Variants in GLIS3 observed in about 807,000 individuals in gnomAD.
GLIS3 encodes the protein GLIS family zinc finger 3, also known as zinc finger protein GLIS3.
Under a neutral mutation model 78.6 loss-of-function variants are expected in GLIS3, and 53 were observed. The ratio of observed to expected loss-of-function variants is 0.67; its 90% confidence interval spans 0.54 to 0.85. The LOEUF (loss-of-function observed/expected upper bound fraction) is 0.85, where lower values mean the gene tolerates loss of function less well. GLIS3 is among the 40% of genes least tolerant of loss of function. GLIS3 has a pLI of 0.00. For missense variants in GLIS3, 1,703 were observed against 1,231.1 expected (o/e 1.38, Z -5.74); for synonymous variants, 684 against 509.9 (o/e 1.34, Z -4.60).
intron 7 of GLIS3, among the ~76,000 whole-genome samples, chr9:3,886,860 G>A (rs925861983): frequency 1.2e-4 from 18 of 152,320 alleles, no homozygotes; most frequent in African/African-American, 2.4e-4. Flanking sequence ...ATTGGAGAAC[G>A]AGAGAGAGGC....
intron 2 of GLIS3, among the ~76,000 whole-genome samples, chr9:4,271,623 G>C (rs939318060): frequency 6.6e-6 from 1 of 152,140 alleles, no homozygotes; most frequent in Non-Finnish European, 1.5e-5. Context: ...CCTCCTCTTA[G>C]GTGCCATGAG....
intron 4 of GLIS3, among the ~76,000 whole-genome samples, chr9:4,030,161 G>T (rs702259): frequency 0.21 from 32,552 of 151,932 alleles, 4,918 homozygotes; most frequent in African/African-American, 0.43. Flanking sequence ...AGATGATATC[G>T]CCTCGTAGTT....
chr9:4,292,743 T>C (rs138291984), intron 1 of GLIS3, among the ~76,000 whole-genome samples: 1 of 152,330 alleles, frequency 6.6e-6, no homozygotes, highest in African/African-American at 2.4e-5. Flanking sequence ...TCTTTTTCAT[T>C]GCAGGGGATA....
chr9:4,055,337 G>A (rs1486907281), intron 4 of GLIS3, among the ~76,000 whole-genome samples: 1 of 152,072 alleles, frequency 6.6e-6, no homozygotes, highest in African/African-American at 2.4e-5. Context: ...TTAAATCAAG[G>A]GTGCCTCCGT....
At chr9:4,262,598 A>T (rs183941915) in intron 2 of GLIS3, among the ~76,000 whole-genome samples, 129 of 152,280 alleles carry the variant, frequency 8.5e-4, no homozygotes, top group African/African-American at 3.0e-3. Flanking sequence ...CAACTTAGTA[A>T]CTATTTGAAA....
At chr9:4,062,654 A>G (rs541517595) in intron 4 of GLIS3, among the ~76,000 whole-genome samples, 2 of 152,358 alleles carry the variant, frequency 1.3e-5, no homozygotes, top group Non-Finnish European at 2.9e-5. Context: ...GTGGCCAGGC[A>G]CAGTGGCTCA....
chr9:3,893,359 A>G (rs1225145476), intron 7 of GLIS3, among the ~76,000 whole-genome samples: 1 of 152,228 alleles, frequency 6.6e-6, no homozygotes, highest in Non-Finnish European at 1.5e-5. Flanking sequence ...CACCAAATTA[A>G]GCAGCCTGCA....
the GLIS3 span, among the ~76,000 whole-genome samples, chr9:4,380,548 T>C: frequency 7.5e-4 from 115 of 152,332 alleles, 1 homozygote; most frequent in Non-Finnish European, 7.3e-5. Flanking sequence ...CAGAATCACA[T>C]AGGAGAACTT....
At chr9:3,862,989 A>G (rs1359325867) in intron 8 of GLIS3, among the ~76,000 whole-genome samples, 4 of 152,280 alleles carry the variant, frequency 2.6e-5, no homozygotes, top group Admixed American at 2.0e-4. Flanking sequence ...AAACTAATCA[A>G]TGAAAAATGG....
At chr9:4,381,795 A>G in the GLIS3 span, among the ~76,000 whole-genome samples, 12 of 152,122 alleles carry the variant, frequency 7.9e-5, no homozygotes, top group Non-Finnish European at 1.6e-4. Context: ...GCTTTCTGTT[A>G]TGTCTGGCAA....
intron 2 of GLIS3, among the ~76,000 whole-genome samples, chr9:4,135,532 T>A (rs1238848447): frequency 6.6e-6 from 1 of 152,176 alleles, no homozygotes; most frequent in Admixed American, 6.5e-5. Flanking sequence ...TTATTACTTA[T>A]TACTCTAAAC....
intron 2 of GLIS3, among the ~76,000 whole-genome samples, chr9:4,260,241 C>A (rs1023866321): frequency 6.6e-6 from 1 of 152,000 alleles, no homozygotes; most frequent in African/African-American, 2.4e-5. Context: ...GACCATCCTG[C>A]CCAACATGGT....
chr9:4,295,562 A>G (rs928983982), intron 1 of GLIS3, among the ~76,000 whole-genome samples: 5 of 152,144 alleles, frequency 3.3e-5, no homozygotes, highest in African/African-American at 1.2e-4. Context: ...ATTTTTTTTA[A>G]AAAAACCAGA....
At chr9:3,991,815 C>T (rs1377510733) in intron 4 of GLIS3, among the ~76,000 whole-genome samples, 4 of 151,478 alleles carry the variant, frequency 2.6e-5, no homozygotes, top group Non-Finnish European at 5.9e-5. Flanking sequence ...CTCAGCCTCC[C>T]GAGTAGCTGG....
At chr9:4,192,145 A>G (rs1170883482) in intron 2 of GLIS3, among the ~76,000 whole-genome samples, 1 of 152,180 alleles carries the variant, frequency 6.6e-6, no homozygotes, top group Non-Finnish European at 1.5e-5. Flanking sequence ...ATGCTCTTAA[A>G]AACACTCAGT....
chr9:3,915,656 C>G (rs919216111), intron 6 of GLIS3, among the ~76,000 whole-genome samples: 1 of 152,150 alleles, frequency 6.6e-6, no homozygotes, highest in Non-Finnish European at 1.5e-5. Context: ...TGCAAATGCT[C>G]CAGCCTTCAT....
rs117870161 is a variant in GLIS3 at position 3,859,546 on chromosome 9, T to A, written c.2298-3362A>T. ...AGGATAAATTATAGTTATTTGCCAT[T>A]TTCCCTCTTATGGAGTATCTTATTC... On this transcript the variant is annotated intron_variant, in intron 8 of 10. Transcript: ENST00000381971. Among the ~76,000 whole-genome samples, 222 of 152,322 alleles carry A rather than the reference T, an allele frequency of 1.5e-3. 5 individuals carry two copies. In the East Asian group the frequency reaches 0.037, roughly 25 times the overall value.
intron 2 of GLIS3, among the ~76,000 whole-genome samples, chr9:4,211,463 A>G (rs1467684882): frequency 2.0e-5 from 3 of 152,214 alleles, no homozygotes; most frequent in Non-Finnish European, 4.4e-5. Flanking sequence ...GTAAGGAAAG[A>G]GACACTGTGT....
chr9:4,401,239 A>C, the GLIS3 span, among the ~76,000 whole-genome samples: 2 of 151,858 alleles, frequency 1.3e-5, no homozygotes, highest in African/African-American at 4.8e-5. Flanking sequence ...GACAGAAGAG[A>C]TCTTGGGTTT....
Sources: gnomAD v4.1 joint callset for allele counts (sites outside exome capture counted in the v4.1 genomes callset) on GRCh38, gnomAD v4.1.1 for gene constraint, MANE v1.5 for transcripts, NCBI Gene and HGNC (gene_info 2026-07-23, HGNC 2026-07-21) for gene names.